Variants in PPP2R2A observed in about 807,000 individuals in gnomAD.
The protein encoded by PPP2R2A is protein phosphatase 2 regulatory subunit Balpha, also known as serine/threonine-protein phosphatase 2A 55 kDa regulatory subunit B alpha isoform.
PPP2R2A carries 9 observed loss-of-function variants against 53.2 expected under a neutral mutation model. The observed-to-expected ratio is 0.17, with a 90% CI of 0.10 to 0.30. The LOEUF (loss-of-function observed/expected upper bound fraction) is 0.30. PPP2R2A is among the 10% of genes least tolerant of loss of function. The pLI is 1.00. For missense variants in PPP2R2A, 235 were observed against 534.6 expected (o/e 0.44, Z 5.53); for synonymous variants, 169 against 174.2 (o/e 0.97, Z 0.23).
At chr8:26,356,085 T>C (rs1465919261) in intron 4 of PPP2R2A, among the ~76,000 whole-genome samples, 1 of 152,160 alleles carries the variant, frequency 6.6e-6, no homozygotes, top group Non-Finnish European at 1.5e-5. Flanking sequence ...TTAAAACTTT[T>C]TTGAGGTTGG....
At chr8:26,293,178 G>T in intron 1 of PPP2R2A, 1 of 1,464,910 alleles carries the variant, frequency 6.8e-7, no homozygotes, top group Non-Finnish European at 9.2e-7. Flanking sequence ...AGAAATGGGT[G>T]TAGTGTTTGC....
At chr8:26,327,635 C>A (rs1803161652) in intron 2 of PPP2R2A, among the ~76,000 whole-genome samples, 1 of 151,902 alleles carries the variant, frequency 6.6e-6, no homozygotes, top group Admixed American at 6.6e-5. Flanking sequence ...TCGTAGTGGT[C>A]TGTAGGGAAA....
At chr8:26,314,771 G>A (rs184126592) in intron 2 of PPP2R2A, among the ~76,000 whole-genome samples, 80 of 151,922 alleles carry the variant, frequency 5.3e-4, no homozygotes, top group Admixed American at 1.6e-3. Flanking sequence ...GTACTCATTG[G>A]ACCCTTGCAG....
At chr8:26,311,421 A>G (rs1802286647) in intron 2 of PPP2R2A, among the ~76,000 whole-genome samples, 2 of 152,228 alleles carry the variant, frequency 1.3e-5, no homozygotes, top group South Asian at 4.1e-4. Flanking sequence ...GCATTTGGTA[A>G]AACTAGGGAG....
chr8:26,309,681 C>T (rs1422265895), intron 2 of PPP2R2A, among the ~76,000 whole-genome samples: 1 of 152,136 alleles, frequency 6.6e-6, no homozygotes, highest in Admixed American at 6.5e-5. Context: ...ATCTTCCTTT[C>T]ACTTGAACAC....
intron 2 of PPP2R2A, among the ~76,000 whole-genome samples, chr8:26,298,333 C>T (rs1801633746): frequency 6.6e-6 from 1 of 152,222 alleles, no homozygotes; most frequent in African/African-American, 2.4e-5. Context: ...AGCAGTTGTT[C>T]AACTCTTCCG....
In PPP2R2A at chr8:26,293,750, C is replaced by T. The variant is rs372266871; in HGVS notation, c.82+10C>T. ...GATGATGTAGCAGAAGGTAAGAAAG[C>T]GTTTAATGCAAAATTTGGATATATA... On this transcript the variant is annotated intron_variant, in intron 2 of 9. Transcript: ENST00000380737. 4.3e-6 allele frequency: 7 copies of T among 1,611,606 alleles called. No homozygotes were observed. Among genetic ancestry groups the T allele is most frequent in the South Asian group, 2.2e-5 (2 of 90,914 alleles).
chr8:26,357,838 C>T (rs1438188366), intron 4 of PPP2R2A, among the ~76,000 whole-genome samples: 1 of 152,016 alleles, frequency 6.6e-6, no homozygotes, highest in Non-Finnish European at 1.5e-5. Flanking sequence ...GGGAACACCA[C>T]AGTGTGGTCG....
intron 3 of PPP2R2A, among the ~76,000 whole-genome samples, chr8:26,351,806 A>C (rs966497087): frequency 6.6e-6 from 1 of 152,158 alleles, no homozygotes; most frequent in African/African-American, 2.4e-5. Flanking sequence ...CACAGTCTTT[A>C]TGACTTTGCT....
chr8:26,322,941 T>G (rs1481031514), intron 2 of PPP2R2A, among the ~76,000 whole-genome samples: 1 of 152,224 alleles, frequency 6.6e-6, no homozygotes, highest in African/African-American at 2.4e-5. Context: ...AAAACCAAGT[T>G]TCATTCTCAG....
intron 3 of PPP2R2A, among the ~76,000 whole-genome samples, chr8:26,344,608 A>G (rs1477380817): frequency 2.0e-5 from 3 of 152,122 alleles, no homozygotes; most frequent in African/African-American, 4.8e-5. Context: ...TCATTTATGC[A>G]TTTGCCCAGC....
chr8:26,330,307 C>CTTTTTTT (rs11351968), intron 2 of PPP2R2A, among the ~76,000 whole-genome samples: 217 of 129,914 alleles, frequency 1.7e-3, no homozygotes, highest in Non-Finnish European at 2.2e-3. Context: ...ATTCTTTTTT[C>CTTTTTTT]TTTTTTTTTT....
rs1802940745 is a variant in PPP2R2A at position 26,323,459 on chromosome 8, CT to C, written c.83-15426del. 2.0e-5 allele frequency among the ~76,000 whole-genome samples: 3 copies of C among 152,314 alleles called. No individual in the cohort carries two copies. The South Asian group carries it at 6.2e-4, about 32-fold the overall frequency. ...GCTCGGTCCCACAAGACTGCCCCCA[CT>C]TTTTCCAATGCCAGTTGGAAGCCCC... On this transcript the variant is annotated intron_variant, in intron 2 of 9. Coordinates refer to ENST00000380737, the MANE Select transcript of PPP2R2A (RefSeq NM_002717.4).
At chr8:26,327,981 A>T (rs183578025) in intron 2 of PPP2R2A, among the ~76,000 whole-genome samples, 1 of 152,340 alleles carries the variant, frequency 6.6e-6, no homozygotes, top group African/African-American at 2.4e-5. Flanking sequence ...AACAGAGGTA[A>T]AGGTGATCTA....
chr8:26,358,873 C>T (rs1384383120), intron 4 of PPP2R2A: 2 of 454,772 alleles, frequency 4.4e-6, no homozygotes, highest in Admixed American at 4.7e-5. Flanking sequence ...CATACTCTTC[C>T]CTACAGGGAG....
Position 26,356,169 on chromosome 8 carries a change from A to T in PPP2R2A, c.346+1536A>T, listed in dbSNP as rs367915820. Among the ~76,000 whole-genome samples, 9 of 152,326 alleles carry T rather than the reference A, an allele frequency of 5.9e-5. No individual in the cohort carries two copies. In the East Asian group the frequency reaches 9.6e-4, roughly 16 times the overall value. On this transcript the variant is annotated intron_variant, in intron 4 of 9. Transcript: ENST00000380737. ...TTAAAAAGCAAATTCTAACACCTAG[A>T]CCATAAACATTTGCAGAATATATAC... is the stretch of plus-strand genomic sequence containing the variant.
intron 4 of PPP2R2A, among the ~76,000 whole-genome samples, chr8:26,355,345 C>T (rs1804719032): frequency 6.6e-6 from 1 of 152,168 alleles, no homozygotes; most frequent in African/African-American, 2.4e-5. Flanking sequence ...GCAGCCTCGA[C>T]CTCCCTACCT....
chr8:26,353,683 A>G (rs1804630005), intron 3 of PPP2R2A, among the ~76,000 whole-genome samples: 1 of 152,230 alleles, frequency 6.6e-6, no homozygotes, highest in Non-Finnish European at 1.5e-5. Flanking sequence ...TATTAATGCT[A>G]ACCAGAGTAG....
chr8:26,360,886 A>G lies in PPP2R2A; in HGVS notation c.460-88A>G. 7.7e-7 allele frequency: 1 copy of G among 1,303,388 alleles called. No homozygotes were observed. Among genetic ancestry groups the G allele is most frequent in the South Asian group, 1.4e-5 (1 of 73,376 alleles). The allele number at this position is 1,303,388 out of a possible 1,614,324, so 80.7% of individuals were successfully genotyped here. A position where few individuals can be genotyped will look rare whatever the true frequency, so the allele number is the denominator to read the frequency against. On this transcript the variant is annotated intron_variant, in intron 5 of 9. Transcript: ENST00000380737. The surrounding 1 kb of genome is among the most constrained non-coding windows in gnomAD (Gnocchi z 4.5). ...TATTGTTCTATTTTATGTTCTCAAAAACTGAAATAATGAAGTTTTCTGAAT... is the reference window on the plus strand; with the variant it reads ...TATTGTTCTATTTTATGTTCTCAAAGACTGAAATAATGAAGTTTTCTGAAT...
Sources: gnomAD v4.1 joint callset for allele counts (sites outside exome capture counted in the v4.1 genomes callset) on GRCh38, gnomAD v4.1.1 for gene constraint, Gnocchi (gnomAD v3.1) non-coding constraint, MANE v1.5 for transcripts, NCBI Gene and HGNC (gene_info 2026-07-23, HGNC 2026-07-21) for gene names.